Variants in ATG10 observed in about 807,000 individuals in gnomAD.
The protein encoded by ATG10 is ubiquitin-like-conjugating enzyme ATG10.
ATG10 carries 30 observed loss-of-function variants against 32.1 expected under a neutral mutation model. The ratio of observed to expected loss-of-function variants is 0.94; its 90% CI spans 0.70 to 1.27. The LOEUF (loss-of-function observed/expected upper bound fraction) is 1.27. ATG10 is among the 50% of genes most tolerant of loss of function. The pLI is 0.00. For synonymous variants in ATG10, 87 were observed against 91.5 expected (o/e 0.95, Z 0.28); for missense variants, 233 against 262.3 (o/e 0.89, Z 0.77).
intron 3 of ATG10, among the ~76,000 whole-genome samples, chr5:82,095,853 G>A (rs961969824): frequency 3.9e-5 from 6 of 152,268 alleles, no homozygotes; most frequent in South Asian, 4.1e-4. Context: ...AAGAACAAGA[G>A]CAACTGTGTT....
intron 4 of ATG10, among the ~76,000 whole-genome samples, chr5:82,171,633 G>C (rs1369411821): frequency 2.0e-5 from 3 of 152,208 alleles, no homozygotes; most frequent in Non-Finnish European, 4.4e-5. Flanking sequence ...CAAATTGGAA[G>C]TGTGTTTGGA....
At chr5:81,988,948 C>G (rs1761372324) in intron 2 of ATG10, among the ~76,000 whole-genome samples, 1 of 152,186 alleles carries the variant, frequency 6.6e-6, no homozygotes, top group Non-Finnish European at 1.5e-5. Flanking sequence ...CATGCCTCAG[C>G]CTCCCAAGTA....
intron 3 of ATG10, among the ~76,000 whole-genome samples, chr5:82,133,113 T>G (rs1462449733): frequency 6.6e-6 from 1 of 152,216 alleles, no homozygotes; most frequent in Non-Finnish European, 1.5e-5. Context: ...TTTGTTTAAG[T>G]TCTTTGTAGA....
intron 3 of ATG10, among the ~76,000 whole-genome samples, chr5:82,071,573 C>G (rs988187787): frequency 6.6e-6 from 1 of 152,100 alleles, no homozygotes; most frequent in Non-Finnish European, 1.5e-5. Flanking sequence ...CCAGAGGTAT[C>G]TAGTACCTTT....
intron 3 of ATG10, among the ~76,000 whole-genome samples, chr5:82,108,215 A>G (rs1253030298): frequency 6.6e-6 from 1 of 152,060 alleles, no homozygotes; most frequent in Non-Finnish European, 1.5e-5. Flanking sequence ...GAGAGATTAA[A>G]GATTAGACAT....
intron 3 of ATG10, among the ~76,000 whole-genome samples, chr5:82,103,749 A>G (rs146100832): frequency 4.6e-5 from 7 of 152,046 alleles, no homozygotes; most frequent in Admixed American, 3.3e-4. Context: ...GCTTCTGCCT[A>G]CAAGTGTTTT....
At chr5:82,129,076 A>G (rs892698137) in intron 3 of ATG10, among the ~76,000 whole-genome samples, 5 of 151,432 alleles carry the variant, frequency 3.3e-5, no homozygotes. Flanking sequence ...TCTTGTCTTC[A>G]TGCTTTATTT....
chr5:82,030,197 G>A (rs1342736768), intron 2 of ATG10, among the ~76,000 whole-genome samples: 1 of 152,162 alleles, frequency 6.6e-6, no homozygotes, highest in African/African-American at 2.4e-5. Context: ...GCAGTTGTTT[G>A]TGGGAAAGCT....
At chr5:81,976,211 G>T (rs987402661) in intron 1 of ATG10, 13 of 149,980 alleles carry the variant, frequency 8.7e-5, no homozygotes, top group African/African-American at 3.2e-4. Flanking sequence ...GGGTTTCACC[G>T]TGTTAGCCAA....
At chr5:82,035,600 A>C (rs1762894838) in intron 2 of ATG10, among the ~76,000 whole-genome samples, 1 of 151,734 alleles carries the variant, frequency 6.6e-6, no homozygotes, top group African/African-American at 2.4e-5. Flanking sequence ...TTAGATTTGC[A>C]TTTTCCTTAT....
At chr5:82,167,831 G>A (rs956965476) in intron 4 of ATG10, among the ~76,000 whole-genome samples, 2 of 152,180 alleles carry the variant, frequency 1.3e-5, no homozygotes, top group Admixed American at 6.5e-5. Flanking sequence ...AGTGGGCAAC[G>A]TGGATTTAAG....
intron 3 of ATG10, among the ~76,000 whole-genome samples, chr5:82,150,575 G>A (rs1767554240): frequency 6.6e-6 from 1 of 152,164 alleles, no homozygotes; most frequent in Non-Finnish European, 1.5e-5. Context: ...GGAGACATGA[G>A]GGTCCAGCAT....
chr5:82,091,920 T>A (rs1234456617), intron 3 of ATG10, among the ~76,000 whole-genome samples: 3 of 152,196 alleles, frequency 2.0e-5, no homozygotes, highest in Non-Finnish European at 4.4e-5. Flanking sequence ...AACACAATAC[T>A]GAAAAAGTTT....
chr5:82,227,416 C>T (rs1346592281), intron 5 of ATG10, among the ~76,000 whole-genome samples: 1 of 151,990 alleles, frequency 6.6e-6, no homozygotes, highest in Non-Finnish European at 1.5e-5. Context: ...TATCTGTCAT[C>T]CAGGCTGGAG....
At chr5:82,239,647 A>G (rs1746701916) in intron 5 of ATG10, among the ~76,000 whole-genome samples, 2 of 152,170 alleles carry the variant, frequency 1.3e-5, no homozygotes, top group African/African-American at 4.8e-5. Flanking sequence ...GGGAACACCA[A>G]GTAGTTTAAT....
intron 3 of ATG10, among the ~76,000 whole-genome samples, chr5:82,106,382 A>T (rs796143282): frequency 9.9e-5 from 15 of 152,174 alleles, no homozygotes; most frequent in African/African-American, 3.6e-4. Context: ...AGTGGTATGA[A>T]GCCGTATTTG....
chr5:82,072,289 C>G (rs753049723), intron 3 of ATG10, among the ~76,000 whole-genome samples: 1 of 152,130 alleles, frequency 6.6e-6, no homozygotes, highest in African/African-American at 2.4e-5. Context: ...TCTGCTGAGT[C>G]TTCCTGGATG....
At chr5:82,227,510 G>A (rs1746181332) in intron 5 of ATG10, among the ~76,000 whole-genome samples, 1 of 152,050 alleles carries the variant, frequency 6.6e-6, no homozygotes, top group Non-Finnish European at 1.5e-5. Flanking sequence ...ATGTAACTGG[G>A]ACTACAGGCG....
At chr5:82,173,628 T>C (rs1743887776) in intron 4 of ATG10, among the ~76,000 whole-genome samples, 1 of 152,190 alleles carries the variant, frequency 6.6e-6, no homozygotes, top group Admixed American at 6.5e-5. Flanking sequence ...TTTTGGCTTC[T>C]ACTTCTTTTT....
Sources: gnomAD v4.1 joint callset for allele counts (sites outside exome capture counted in the v4.1 genomes callset) on GRCh38, gnomAD v4.1.1 for gene constraint, MANE v1.5 for transcripts, NCBI Gene and HGNC (gene_info 2026-07-23, HGNC 2026-07-21) for gene names.